DDAH1: variants seen among roughly 807,000 people sequenced by gnomAD.
DDAH1 encodes dimethylarginine dimethylaminohydrolase 1, also known as N(G),N(G)-dimethylarginine dimethylaminohydrolase 1.
DDAH1 carries 19 observed loss-of-function variants against 28.8 expected under a neutral mutation model. That is an observed-to-expected ratio of 0.66 (90% CI 0.46 to 0.97). The LOEUF (loss-of-function observed/expected upper bound fraction) is 0.97. DDAH1 is among the 50% of genes least tolerant of loss of function. The pLI is 0.00. For synonymous variants in DDAH1, 153 were observed against 154.4 expected (o/e 0.99, Z 0.07); for missense variants, 326 against 375.9 (o/e 0.87, Z 1.10).
At chr1:85,461,770 G>A (rs185083654) in intron 1 of DDAH1, among the ~76,000 whole-genome samples, 124 of 152,296 alleles carry the variant, frequency 8.1e-4, no homozygotes, top group Middle Eastern at 3.4e-3. Context: ...AATAGTGGGA[G>A]ATACAGAACG....
intron 1 of DDAH1, among the ~76,000 whole-genome samples, chr1:85,364,844 G>A (rs1047346916): frequency 6.6e-6 from 1 of 152,208 alleles, no homozygotes; most frequent in Non-Finnish European, 1.5e-5. Flanking sequence ...ATGCCTGGCT[G>A]TATGTGTTGA....
chr1:85,342,884 C>T (rs1282702386), intron 4 of DDAH1, among the ~76,000 whole-genome samples: 1 of 152,166 alleles, frequency 6.6e-6, no homozygotes, highest in Non-Finnish European at 1.5e-5. Flanking sequence ...CCCAGAATAT[C>T]AGAATTTTCT....
At chr1:85,545,636 T>C (rs1455972798) in intron 1 of DDAH1, among the ~76,000 whole-genome samples, 1 of 152,148 alleles carries the variant, frequency 6.6e-6, no homozygotes, top group African/African-American at 2.4e-5. Context: ...ATGTTCCCTT[T>C]CTTAATTTCC....
intron 1 of DDAH1, among the ~76,000 whole-genome samples, chr1:85,506,324 T>C (rs1480801949): frequency 7.2e-5 from 11 of 152,142 alleles, no homozygotes; most frequent in African/African-American, 2.7e-4. Flanking sequence ...TTAAGTCCCA[T>C]GGGTTATCAC....
intron 4 of DDAH1, among the ~76,000 whole-genome samples, chr1:85,333,560 C>G (rs1266929129): frequency 6.6e-6 from 1 of 151,220 alleles, no homozygotes; most frequent in Non-Finnish European, 1.5e-5. Context: ...GAAGAGAACA[C>G]AGATAAACAA....
intron 1 of DDAH1, among the ~76,000 whole-genome samples, chr1:85,420,034 T>C (rs573201531): frequency 6.6e-6 from 1 of 152,302 alleles, no homozygotes; most frequent in South Asian, 2.1e-4. Flanking sequence ...CCTCTGGAGC[T>C]GTGGTCTGAG....
chr1:85,430,690 G>T (rs1450154745), intron 1 of DDAH1, among the ~76,000 whole-genome samples: 2 of 151,866 alleles, frequency 1.3e-5, no homozygotes, highest in Non-Finnish European at 1.5e-5. Flanking sequence ...TCATGATTTG[G>T]CTCTCTATTA....
chr1:85,406,998 A>G (rs1652436170), intron 1 of DDAH1, among the ~76,000 whole-genome samples: 2 of 152,198 alleles, frequency 1.3e-5, no homozygotes, highest in Middle Eastern at 3.4e-3. Context: ...AACACATTAT[A>G]TTTCTTTAAG....
At chr1:85,495,081 A>G (rs1431162578) in intron 2 of DDAH1, 2 of 151,736 alleles carry the variant, frequency 1.3e-5, no homozygotes, top group Admixed American at 6.6e-5. Flanking sequence ...GGAGTTGTAT[A>G]TTATAGCCAA....
chr1:85,450,774 G>A (rs1321063508), intron 1 of DDAH1, among the ~76,000 whole-genome samples: 3 of 152,214 alleles, frequency 2.0e-5, no homozygotes, highest in Non-Finnish European at 4.4e-5. Flanking sequence ...CACCTGCAAT[G>A]TAAGAGGAAT....
chr1:85,523,791 G>C (rs1657770377), intron 1 of DDAH1, among the ~76,000 whole-genome samples: 1 of 152,192 alleles, frequency 6.6e-6, no homozygotes, highest in South Asian at 2.1e-4. Flanking sequence ...TAAATAACAA[G>C]CATGTCATTT....
chr1:85,430,203 G>A, intron 1 of DDAH1, among the ~76,000 whole-genome samples: 1 of 152,094 alleles, frequency 6.6e-6, no homozygotes, highest in Non-Finnish European at 1.5e-5. Flanking sequence ...AAGATCAGAT[G>A]GTTGTAGATG....
At chr1:85,331,434 T>C (rs1647760071) in intron 4 of DDAH1, among the ~76,000 whole-genome samples, 1 of 151,304 alleles carries the variant, frequency 6.6e-6, no homozygotes, top group Non-Finnish European at 1.5e-5. Flanking sequence ...TATATATATA[T>C]ATATAACATA....
At chr1:85,416,053 A>G (rs1652871486) in intron 1 of DDAH1, among the ~76,000 whole-genome samples, 1 of 152,006 alleles carries the variant, frequency 6.6e-6, no homozygotes, top group South Asian at 2.1e-4. Context: ...AAATAAAATA[A>G]CCCCTTAATT....
rs114677379 is a variant in DDAH1 at position 85,346,705 on chromosome 1, T to C, written c.597+3710A>G. Among the ~76,000 whole-genome samples, 819 of 151,460 alleles carry C rather than the reference T, an allele frequency of 5.4e-3. 11 individuals are homozygous for C. The highest frequency in any genetic ancestry group is 0.018 in the African/African-American group (746 of 41,262). On this transcript the variant is annotated intron_variant, in intron 4 of 5. Coordinates refer to ENST00000284031, the MANE Select transcript of DDAH1 (RefSeq NM_012137.4). ...CTCTATTCATCTGTCTTCCTGCCTG[T>C]CTATAATAACATGGAGTATTTATAT...
At chr1:85,369,258 T>C (rs1650250739) in intron 1 of DDAH1, among the ~76,000 whole-genome samples, 1 of 150,300 alleles carries the variant, frequency 6.7e-6, no homozygotes, top group Non-Finnish European at 1.5e-5. Flanking sequence ...TGGGGTCTAC[T>C]TATGCTGCCC....
chr1:85,506,450 T>A (rs1271963330), intron 1 of DDAH1, among the ~76,000 whole-genome samples: 1 of 152,242 alleles, frequency 6.6e-6, no homozygotes, highest in Admixed American at 6.5e-5. Context: ...TATTTCTGAC[T>A]TAATGGAAAC....
At chr1:85,500,354 G>A (rs528212569) in intron 1 of DDAH1, among the ~76,000 whole-genome samples, 3 of 151,206 alleles carry the variant, frequency 2.0e-5, no homozygotes, top group South Asian at 4.2e-4. Flanking sequence ...TCTCATTCCA[G>A]GTTGACAGGT....
intron 1 of DDAH1, among the ~76,000 whole-genome samples, chr1:85,391,171 A>G (rs1372621025): frequency 2.0e-5 from 3 of 152,194 alleles, no homozygotes; most frequent in Non-Finnish European, 4.4e-5. Flanking sequence ...TGAAAACACA[A>G]TTAAATGCTT....
Sources: allele counts gnomAD v4.1 joint callset (sites outside exome capture counted in the v4.1 genomes callset), GRCh38; gene constraint gnomAD v4.1.1; transcripts MANE v1.5; gene names NCBI Gene and HGNC (gene_info 2026-07-23, HGNC 2026-07-21).